The following NPAS3 variants were observed in gnomAD, a reference collection of about 807,000 sequenced individuals.
NPAS3 encodes neuronal PAS domain-containing protein 3.
A neutral mutation model predicts 73.1 loss-of-function variants in NPAS3; 14 were observed. The observed-to-expected ratio is 0.19, with a 90% CI of 0.13 to 0.30. The LOEUF is 0.30. Ranked by LOEUF, NPAS3 falls within the 10% of genes least tolerant of loss-of-function variation. NPAS3 has a pLI of 1.00. For synonymous variants in NPAS3, 620 were observed against 541.5 expected (o/e 1.14, Z -2.01); for missense variants, 1,096 against 1,250.0 (o/e 0.88, Z 1.86).
At chr14:33,778,489 C>T (rs772686768) in exon 9 of NPAS3, 7 of 1,612,292 alleles carry the variant, frequency 4.3e-6, no homozygotes, top group Non-Finnish European at 8.5e-7. Context: ...ATGGATCTGA[C>T]CCCTGTAGAT....
At chr14:33,499,217 A>C (rs2139895804) in intron 4 of NPAS3, among the ~76,000 whole-genome samples, 1 of 151,986 alleles carries the variant, frequency 6.6e-6, no homozygotes, top group Middle Eastern at 3.4e-3. Flanking sequence ...ATTCCTTTCC[A>C]GAATCAGACC....
At chr14:33,577,899 G>C (rs1037005125) in intron 5 of NPAS3, among the ~76,000 whole-genome samples, 2 of 152,126 alleles carry the variant, frequency 1.3e-5, no homozygotes, top group Non-Finnish European at 1.5e-5. Flanking sequence ...GTATAAGGGG[G>C]ATTGGCTAAC....
intron 2 of NPAS3, among the ~76,000 whole-genome samples, chr14:33,071,444 A>T (rs1002038484): frequency 6.7e-6 from 1 of 148,278 alleles, no homozygotes; most frequent in African/African-American, 2.6e-5. Context: ...AAATCTTTTA[A>T]TTGAGACTTT....
intron 3 of NPAS3, among the ~76,000 whole-genome samples, chr14:33,339,443 AG>A (rs1212958252): frequency 6.6e-6 from 1 of 152,214 alleles, no homozygotes; most frequent in Non-Finnish European, 1.5e-5. Flanking sequence ...AGATGCTAAA[AG>A]GGTGTTCAAA....
At chr14:33,599,994 A>G (rs1390924746) in intron 5 of NPAS3, among the ~76,000 whole-genome samples, 1 of 152,190 alleles carries the variant, frequency 6.6e-6, no homozygotes, top group Non-Finnish European at 1.5e-5. Flanking sequence ...TTAAATAATA[A>G]GATCCGTTAC....
At chr14:33,432,414 A>T (rs956584382) in intron 4 of NPAS3, among the ~76,000 whole-genome samples, 5 of 152,148 alleles carry the variant, frequency 3.3e-5, no homozygotes, top group African/African-American at 4.8e-5. Flanking sequence ...TTTTCATAGG[A>T]CAAGTATTAT....
chr14:33,681,934 G>GAATACAAACAAACAGTGTAGTGACTAAC (rs2059950571), intron 6 of NPAS3, among the ~76,000 whole-genome samples: 1 of 152,172 alleles, frequency 6.6e-6, no homozygotes, highest in Non-Finnish European at 1.5e-5. Flanking sequence ...CCAAAATTCT[G>GAATACAAACAAACAGTGTAGTGACTAAC]AATACAAACA....
At chr14:33,136,643 C>G (rs1198875691) in intron 2 of NPAS3, among the ~76,000 whole-genome samples, 1 of 152,182 alleles carries the variant, frequency 6.6e-6, no homozygotes, top group African/African-American at 2.4e-5. Flanking sequence ...AACCAGTGAG[C>G]CTTATTTCAA....
At chr14:33,646,456 C>CA (rs2058832354) in intron 5 of NPAS3, among the ~76,000 whole-genome samples, 2 of 152,122 alleles carry the variant, frequency 1.3e-5, no homozygotes, top group Admixed American at 1.3e-4. Context: ...ACTGGTCAAT[C>CA]AATTGATCAA....
chr14:33,311,213 T>C (rs2042988991), intron 3 of NPAS3, among the ~76,000 whole-genome samples: 1 of 152,144 alleles, frequency 6.6e-6, no homozygotes, highest in African/African-American at 2.4e-5. Context: ...TTTGGCAAAG[T>C]GCTCTCAGTA....
intron 7 of NPAS3, among the ~76,000 whole-genome samples, chr14:33,746,743 C>CT (rs200491168): frequency 0.017 from 2,538 of 151,506 alleles, 32 homozygotes; most frequent in Middle Eastern, 0.044. Context: ...ACATATATTT[C>CT]TTTTTTTATT....
rs184980202 is a variant in NPAS3 at position 33,656,666 on chromosome 14, T to C, written c.559-19545T>C. ...TGAACTTAGTGAACTGAGGTTACTC[T>C]AGTCCAGCTAGAGTTTACATCTCTT... On this transcript the variant is annotated intron_variant, in intron 5 of 11. Coordinates refer to ENST00000356141, the Ensembl canonical transcript of NPAS3. Among the ~76,000 whole-genome samples, 1,176 of 152,114 alleles carry C rather than the reference T, an allele frequency of 7.7e-3. 16 individuals carry two copies. Among genetic ancestry groups the C allele is most frequent in the African/African-American group, 0.027 (1,103 of 41,364 alleles).
intron 1 of NPAS3, among the ~76,000 whole-genome samples, chr14:33,024,306 G>A (rs902424835): frequency 6.6e-6 from 1 of 151,670 alleles, no homozygotes; most frequent in Non-Finnish European, 1.5e-5. Flanking sequence ...AGAGTAGCTG[G>A]GATTACAGGC....
At chr14:33,792,845 G>GATGAGTGCACACTGCCCTCTAGTGGC (rs1316592231) in intron 9 of NPAS3, among the ~76,000 whole-genome samples, 3 of 152,242 alleles carry the variant, frequency 2.0e-5, no homozygotes, top group Admixed American at 1.3e-4. Context: ...GGGCGACGTA[G>GATGAGTGCACACTGCCCTCTAGTGGC]ATGAGTGCAC....
chr14:33,547,078 A>C (rs115693955), intron 4 of NPAS3, among the ~76,000 whole-genome samples: 64 of 152,302 alleles, frequency 4.2e-4, no homozygotes, highest in African/African-American at 1.5e-3. Flanking sequence ...CACATACAGA[A>C]AATGATAAAG....
At chr14:33,288,815 C>T (rs1033427791) in intron 3 of NPAS3, among the ~76,000 whole-genome samples, 2 of 151,932 alleles carry the variant, frequency 1.3e-5, no homozygotes, top group African/African-American at 4.8e-5. Context: ...GTACACACAC[C>T]CACAAAGCAA....
At chr14:32,990,645 G>C (rs2038292851) in intron 1 of NPAS3, among the ~76,000 whole-genome samples, 1 of 152,078 alleles carries the variant, frequency 6.6e-6, no homozygotes, top group Admixed American at 6.6e-5. Flanking sequence ...AAAAAGTCAG[G>C]CCAGGTACGG....
At chr14:33,634,925 C>T (rs766115246) in intron 5 of NPAS3, among the ~76,000 whole-genome samples, 4 of 152,154 alleles carry the variant, frequency 2.6e-5, no homozygotes, top group Non-Finnish European at 5.9e-5. Context: ...ATTCTGAGCC[C>T]CACCCAATAT....
chr14:33,125,271 T>A (rs2043385046), intron 2 of NPAS3, among the ~76,000 whole-genome samples: 1 of 152,044 alleles, frequency 6.6e-6, no homozygotes, highest in East Asian at 1.9e-4. Flanking sequence ...GTAGGTCATA[T>A]ATGAGATATG....
Sources: gnomAD v4.1 joint callset for allele counts (sites outside exome capture counted in the v4.1 genomes callset) on GRCh38, gnomAD v4.1.1 for gene constraint, MANE v1.5 for transcripts, NCBI Gene and HGNC (gene_info 2026-07-23, HGNC 2026-07-21) for gene names.